LNX1: variants seen among roughly 807,000 people sequenced by gnomAD.
The protein encoded by LNX1 is E3 ubiquitin-protein ligase LNX.
A neutral mutation model predicts 68.4 loss-of-function variants in LNX1; 54 were observed. The observed-to-expected ratio is 0.79, with a 90% CI of 0.63 to 0.99. LNX1 has a LOEUF of 0.99. Ranked by LOEUF, LNX1 falls within the 50% of genes least tolerant of loss-of-function variation. LNX1 has a pLI of 0.00. For missense variants in LNX1, 906 were observed against 926.4 expected, an observed-to-expected ratio of 0.98 and a Z score of 0.29; for synonymous variants, 336 against 350.0, an observed-to-expected ratio of 0.96 and a Z score of 0.45.
intron 3 of LNX1, among the ~76,000 whole-genome samples, 194 bp downstream of exon 3, chr4:53,507,792 T>G (rs1726012770): frequency 6.6e-6 from 1 of 152,168 alleles, no homozygotes; most frequent in Admixed American, 6.5e-5. Context: ...CAAGTCAGAT[T>G]ACACACAGTT....
chr4:53,537,886 C>A (rs1241043919), intron 2 of LNX1, among the ~76,000 whole-genome samples: 1 of 152,186 alleles, frequency 6.6e-6, no homozygotes, highest in African/African-American at 2.4e-5. Flanking sequence ...TTTCAGGAAA[C>A]GGTGTGGGGA....
At chr4:53,641,532 C>T (rs1387856246) in intron 1 of LNX1, among the ~76,000 whole-genome samples, 1 of 152,232 alleles carries the variant, frequency 6.6e-6, no homozygotes, top group Non-Finnish European at 1.5e-5. Context: ...CTCTGTTTCT[C>T]CCCACCCCAC....
chr4:53,591,261 T>C, intron 1 of LNX1, 127 bp downstream of exon 1: 7 of 423,832 alleles, frequency 1.7e-5, no homozygotes, highest in Non-Finnish European at 2.2e-5. Context: ...AAAAAGCTTC[T>C]CCCTCTGGGG....
intron 9 of LNX1, among the ~76,000 whole-genome samples, chr4:53,469,573 A>G (rs1722990128): frequency 6.6e-6 from 1 of 152,226 alleles, no homozygotes; most frequent in Non-Finnish European, 1.5e-5. Flanking sequence ...GAAAAGATCA[A>G]CAAAATTGAT....
intron 1 of LNX1, among the ~76,000 whole-genome samples, chr4:53,649,862 G>T (rs917711992): frequency 9.2e-5 from 14 of 152,154 alleles, no homozygotes; most frequent in African/African-American, 3.4e-4. Flanking sequence ...GGTGACTAAG[G>T]TTTTAAATCT....
intron 9 of LNX1, among the ~76,000 whole-genome samples, chr4:53,471,070 G>A (rs57866682): frequency 0.61 from 26,162 of 42,878 alleles, 10,937 homozygotes; most frequent in Non-Finnish European, 0.71. Flanking sequence ...TGGAGGCATC[G>A]CACTACCTGA....
chr4:53,508,368 C>T, intron 2 of LNX1, 141 bp from the exon 3 acceptor site: 1 of 1,023,700 alleles, frequency 9.8e-7, no homozygotes, highest in Non-Finnish European at 1.4e-6. Context: ...TATATCCTCT[C>T]TTCCCTTTTC....
At chr4:53,618,899 G>T (rs950976078), upstream of LNX1, among the ~76,000 whole-genome samples, 15 of 151,898 alleles carry the variant, frequency 9.9e-5, no homozygotes, top group African/African-American at 3.6e-4. Flanking sequence ...AGCTCCTTTT[G>T]TTTTTTTTAT....
At chr4:53,466,713 C>T (rs796404106) in intron 9 of LNX1, among the ~76,000 whole-genome samples, 15 of 152,342 alleles carry the variant, frequency 9.8e-5, no homozygotes, top group African/African-American at 3.1e-4. Context: ...CTCGGAGGGT[C>T]CTATGCCCAA....
At chr4:53,487,816 T>TA (rs1724411473) in intron 6 of LNX1, among the ~76,000 whole-genome samples, 1 of 152,246 alleles carries the variant, frequency 6.6e-6, no homozygotes, top group African/African-American at 2.4e-5. Flanking sequence ...ATCACTTCTT[T>TA]AAAAAATGTA....
chr4:53,569,342 C>A (rs1730962206), intron 2 of LNX1, among the ~76,000 whole-genome samples: 1 of 137,556 alleles, frequency 7.3e-6, no homozygotes, highest in African/African-American at 2.8e-5. Context: ...AGAACAGAGC[C>A]CTCAGAAATA....
chr4:53,477,915 C>G (rs1213694076), intron 8 of LNX1, among the ~76,000 whole-genome samples: 1 of 152,144 alleles, frequency 6.6e-6, no homozygotes, highest in Non-Finnish European at 1.5e-5. Context: ...GGAAACTTCA[C>G]AGTTTATCTC....
chr4:53,469,694 C>T (rs1723006027), intron 9 of LNX1, among the ~76,000 whole-genome samples: 1 of 152,192 alleles, frequency 6.6e-6, no homozygotes, highest in African/African-American at 2.4e-5. Flanking sequence ...AAATTACCAT[C>T]AGAGAATACT....
At chr4:53,607,421 T>A (rs1733278900) in intron 2 of LNX1, among the ~76,000 whole-genome samples, 1 of 152,132 alleles carries the variant, frequency 6.6e-6, no homozygotes, top group Non-Finnish European at 1.5e-5. Flanking sequence ...GAACAATCTC[T>A]ACAATGAGAA....
At chr4:53,623,408 A>G (rs1448165634) in intron 1 of LNX1, among the ~76,000 whole-genome samples, 5 of 151,266 alleles carry the variant, frequency 3.3e-5, no homozygotes, top group African/African-American at 9.7e-5. Flanking sequence ...ATTTTTTTGT[A>G]TTTTTTGGTA....
chr4:53,507,298 T>G lies in LNX1; in HGVS notation c.775+19A>C. On this transcript the variant is annotated intron_variant, in intron 4 of 10. Coordinates refer to ENST00000263925, the MANE Select transcript of LNX1 (RefSeq NM_001126328.3). ...AAGCCCAGCCCATGTCCATCCAGCC[T>G]TATGGGGAGTTCATTTACCTTCAGG... 6.2e-7 allele frequency: 1 copy of G among 1,612,808 alleles called. No homozygotes were observed. The highest frequency in any genetic ancestry group is 8.5e-7 in the Non-Finnish European group (1 of 1,179,294).
intron 4 of LNX1, among the ~76,000 whole-genome samples, chr4:53,505,741 C>T (rs1318982671): frequency 6.6e-6 from 1 of 152,160 alleles, no homozygotes; most frequent in Admixed American, 6.5e-5. Flanking sequence ...CTTTGAGGTA[C>T]AGTTACATGA....
chr4:53,546,090 A>G (rs540136054), intron 2 of LNX1, among the ~76,000 whole-genome samples: 1 of 152,190 alleles, frequency 6.6e-6, no homozygotes, highest in Non-Finnish European at 1.5e-5. Flanking sequence ...TACAGGCATG[A>G]GCCACTGCAC....
intron 7 of LNX1, among the ~76,000 whole-genome samples, 171 bp downstream of exon 7, chr4:53,481,549 C>T (rs111968738): frequency 0.015 from 2,284 of 152,260 alleles, 28 homozygotes; most frequent in Non-Finnish European, 0.023. Flanking sequence ...ATGGGAGACA[C>T]CTGTTATCTC....
Sources: gnomAD v4.1 joint callset for allele counts (sites outside exome capture counted in the v4.1 genomes callset) on GRCh38, gnomAD v4.1.1 for gene constraint, MANE v1.5 for transcripts, NCBI Gene and HGNC (gene_info 2026-07-23, HGNC 2026-07-21) for gene names.